The following SEC63 variants were observed in gnomAD, a reference collection of about 807,000 sequenced individuals.
SEC63 encodes the protein SEC63 protein translocation regulator.
SEC63 carries 56 observed loss-of-function variants against 116.2 expected under a neutral mutation model. That is an observed-to-expected ratio of 0.48 (90% CI 0.39 to 0.60). SEC63 has a LOEUF of 0.60. Among genes scored for constraint, SEC63 ranks in the 20% least tolerant of loss-of-function variants. The pLI, the probability that SEC63 is intolerant of heterozygous loss-of-function variation, is 0.00. For synonymous variants in SEC63, 273 were observed against 294.6 expected, an observed-to-expected ratio of 0.93 and a Z score of 0.75; for missense variants, 668 against 900.0, an observed-to-expected ratio of 0.74 and a Z score of 3.30.
intron 11 of SEC63, among the ~76,000 whole-genome samples, chr6:107,903,287 G>A (rs1466946535): frequency 6.6e-6 from 1 of 151,926 alleles, no homozygotes; most frequent in African/African-American, 2.4e-5. Flanking sequence ...ATGACACCAT[G>A]ACAAGAACCA....
intron 4 of SEC63, among the ~76,000 whole-genome samples, 189 bp downstream of exon 4, chr6:107,921,608 C>T (rs1263629430): frequency 6.6e-6 from 1 of 152,024 alleles, no homozygotes; most frequent in Non-Finnish European, 1.5e-5. Context: ...CACACCACCA[C>T]ACAGGGTTAA....
Position 107,871,649 on chromosome 6 carries a change from A to G in SEC63, c.*55T>C. The G allele has an allele frequency of 6.3e-7, 1 of 1,597,686 alleles. No individual in the cohort carries two copies. The highest frequency in any genetic ancestry group is 8.6e-7 in the Non-Finnish European group (1 of 1,168,616). On this transcript the variant is annotated 3_prime_UTR_variant, in exon 21 of 21. Coordinates refer to ENST00000369002, the MANE Select transcript of SEC63 (RefSeq NM_007214.5). ...GTTTCTGGTTTATGATACACTTCCA[A>G]AACAGCAAAAAATTGCAAATATGTG...
intron 4 of SEC63, among the ~76,000 whole-genome samples, chr6:107,916,117 G>T (rs1233189553): frequency 1.3e-5 from 2 of 151,692 alleles, no homozygotes; most frequent in African/African-American, 4.8e-5. Flanking sequence ...AGACTGGGGG[G>T]ATAGGGTGGG....
At chr6:107,933,839 G>A (rs939080504) in intron 1 of SEC63, among the ~76,000 whole-genome samples, 3 of 152,140 alleles carry the variant, frequency 2.0e-5, no homozygotes, top group Non-Finnish European at 4.4e-5. Context: ...TCCTGCCTCA[G>A]CCTGCCGAGT....
chr6:107,889,187 C>G (rs1425654468), intron 16 of SEC63, among the ~76,000 whole-genome samples: 3 of 152,108 alleles, frequency 2.0e-5, no homozygotes, highest in Admixed American at 2.0e-4. Flanking sequence ...CTTTGTAGCT[C>G]TGGTAGAATT....
At chr6:107,903,930 C>G (rs867984941) in intron 11 of SEC63, among the ~76,000 whole-genome samples, 21 of 151,384 alleles carry the variant, frequency 1.4e-4, no homozygotes, top group Non-Finnish European at 1.5e-5. Flanking sequence ...CCAGCCTGAC[C>G]AACCTGATGA....
chr6:107,910,752 C>A (rs911851230), intron 7 of SEC63, among the ~76,000 whole-genome samples: 1 of 152,044 alleles, frequency 6.6e-6, no homozygotes, highest in African/African-American at 2.4e-5. Context: ...TGTGTTAACT[C>A]AGTTGTAACT....
At chr6:107,895,099 A>C (rs1786784091) in intron 14 of SEC63, among the ~76,000 whole-genome samples, 1 of 152,224 alleles carries the variant, frequency 6.6e-6, no homozygotes, top group Admixed American at 6.5e-5. Flanking sequence ...GATTACTCCA[A>C]GGTACAGTTC....
intron 11 of SEC63, 90 bp downstream of exon 11, chr6:107,904,539 C>T: frequency 2.1e-6 from 2 of 970,092 alleles, no homozygotes; most frequent in Non-Finnish European, 3.3e-6. Context: ...CGACAGAAGT[C>T]TGAGTACCCA....
intron 1 of SEC63, among the ~76,000 whole-genome samples, chr6:107,940,412 G>C (rs1770351186): frequency 6.6e-6 from 1 of 152,002 alleles, no homozygotes; most frequent in Non-Finnish European, 1.5e-5. Context: ...CTACAGAGCA[G>C]GGCTTTTCAA....
chr6:107,941,967 T>G (rs944075520), intron 1 of SEC63, among the ~76,000 whole-genome samples: 1 of 152,250 alleles, frequency 6.6e-6, no homozygotes, highest in African/African-American at 2.4e-5. Context: ...CTGAAGTTTG[T>G]GTTAAGGTCG....
At chr6:107,884,285 GAAAAAGAAACTTA>G (rs1554232712) in intron 16 of SEC63, among the ~76,000 whole-genome samples, 2 of 145,100 alleles carry the variant, frequency 1.4e-5, no homozygotes, top group Non-Finnish European at 3.0e-5. Flanking sequence ...GAGAGATACA[GAAAAAGAAACTTA>G]AAACTAAAAG....
rs1787608203 is a variant in SEC63, at chr6:107,923,715, C to G, written c.339+1103G>C. Reference sequence around the variant, plus strand: ...TAATTTTTTTTTTTTTTTTTTGATACAGCCTGGGTGTCACTATGTTGCCCA... The same window carrying G: ...TAATTTTTTTTTTTTTTTTTTGATAGAGCCTGGGTGTCACTATGTTGCCCA... On this transcript the variant is annotated intron_variant, in intron 3 of 20. Coordinates refer to ENST00000369002, the MANE Select transcript of SEC63 (RefSeq NM_007214.5). 2.2e-5 allele frequency among the ~76,000 whole-genome samples: 3 copies of G among 135,918 alleles called. No homozygotes were observed. In the Middle Eastern group the frequency reaches 0.011, roughly 511 times the overall value. The allele number at this position is 135,918 out of a possible 152,430, so 89.2% of individuals were successfully genotyped here. A position where few individuals can be genotyped will look rare whatever the true frequency, so the allele number is the denominator to read the frequency against.
At chr6:107,933,437 G>GA (rs1787855412) in intron 1 of SEC63, among the ~76,000 whole-genome samples, 1 of 152,046 alleles carries the variant, frequency 6.6e-6, no homozygotes, top group Non-Finnish European at 1.5e-5. Context: ...AGCATCGCCA[G>GA]AAAAAAAGAC....
intron 4 of SEC63, 40 bp downstream of exon 4, chr6:107,921,757 G>A (rs900925480): frequency 7.8e-7 from 1 of 1,281,626 alleles, no homozygotes; most frequent in Non-Finnish European, 1.1e-6. Flanking sequence ...TGGCTTATCT[G>A]TACCATTCTT....
intron 8 of SEC63, 105 bp downstream of exon 8, chr6:107,908,822 C>T (rs1787211676): frequency 1.5e-6 from 1 of 650,724 alleles, no homozygotes; most frequent in South Asian, 1.8e-5. Context: ...ATTTATAAAA[C>T]TGTACAATAG....
chr6:107,944,673 G>A (rs1033881216), intron 1 of SEC63, among the ~76,000 whole-genome samples: 2 of 150,166 alleles, frequency 1.3e-5, no homozygotes, highest in African/African-American at 4.9e-5. Context: ...TTCCAACCTA[G>A]ATCAGAGTAA....
intron 1 of SEC63, among the ~76,000 whole-genome samples, chr6:107,938,648 C>G (rs1455932994): frequency 6.6e-6 from 1 of 151,582 alleles, no homozygotes; most frequent in Non-Finnish European, 1.5e-5. Flanking sequence ...CTGCAACCTC[C>G]AACTCCCAGG....
intron 16 of SEC63, among the ~76,000 whole-genome samples, chr6:107,885,655 A>T (rs1246621680): frequency 6.6e-6 from 1 of 152,212 alleles, no homozygotes; most frequent in Non-Finnish European, 1.5e-5. Context: ...GCTTATTCTA[A>T]AAATTGGCAG....
Sources: gnomAD v4.1 joint callset for allele counts (sites outside exome capture counted in the v4.1 genomes callset) on GRCh38, gnomAD v4.1.1 for gene constraint, MANE v1.5 for transcripts, NCBI Gene and HGNC (gene_info 2026-07-23, HGNC 2026-07-21) for gene names.